Variants in SPAG16 observed in about 807,000 individuals in gnomAD.
SPAG16 encodes sperm-associated antigen 16 protein.
SPAG16 carries 86 observed loss-of-function variants against 80.4 expected under a neutral mutation model. The observed-to-expected ratio is 1.07, with a 90% CI of 0.90 to 1.28. The LOEUF is 1.28. Ranked by LOEUF, SPAG16 falls within the 50% of genes most tolerant of loss-of-function variation. SPAG16 has a pLI of 0.00. For missense variants in SPAG16, 870 were observed against 765.3 expected (o/e 1.14, Z -1.61); for synonymous variants, 294 against 265.9 (o/e 1.11, Z -1.03).
chr2:214,036,410 A>G lies in SPAG16; in HGVS notation c.1527+22333A>G, dbSNP rs577540753. Among the ~76,000 whole-genome samples, 76 of 152,318 alleles carry G rather than the reference A, an allele frequency of 5.0e-4. 1 individual carries two copies. The highest frequency in any genetic ancestry group is 8.8e-4 in the Non-Finnish European group (60 of 68,026). On this transcript the variant is annotated intron_variant, in intron 13 of 15. Transcript: ENST00000331683. ...CAGAATGGTATTAGAGATCAAGATT[A>G]GGGTTCTATCTGTAACCATCACCAC...
chr2:213,961,184 A>C (rs2044398014), intron 12 of SPAG16, among the ~76,000 whole-genome samples: 1 of 152,200 alleles, frequency 6.6e-6, no homozygotes, highest in Non-Finnish European at 1.5e-5. Flanking sequence ...GGGAAGAAAG[A>C]TTCCTGGTGC....
chr2:213,734,261 G>A (rs897377523), intron 10 of SPAG16, among the ~76,000 whole-genome samples: 10 of 152,160 alleles, frequency 6.6e-5, no homozygotes, highest in Admixed American at 5.2e-4. Flanking sequence ...AATGCTAGAT[G>A]GAAACTGCCA....
At chr2:213,821,390 A>C (rs531828264) in intron 10 of SPAG16, among the ~76,000 whole-genome samples, 1 of 152,158 alleles carries the variant, frequency 6.6e-6, no homozygotes, top group African/African-American at 2.4e-5. Flanking sequence ...ATAAACAGGG[A>C]TTAGGTTGTT....
intron 9 of SPAG16, among the ~76,000 whole-genome samples, chr2:213,485,337 C>T (rs541735394): frequency 1.2e-4 from 18 of 152,190 alleles, no homozygotes; most frequent in Non-Finnish European, 2.4e-4. Flanking sequence ...TGCATACTAG[C>T]GAAACTTACT....
intron 10 of SPAG16, among the ~76,000 whole-genome samples, chr2:213,851,574 C>T (rs1011366299): frequency 6.6e-6 from 1 of 152,120 alleles, no homozygotes; most frequent in Non-Finnish European, 1.5e-5. Context: ...GAATTTTAAT[C>T]GCAGTACCAT....
chr2:214,112,348 T>C (rs13035658), intron 14 of SPAG16, among the ~76,000 whole-genome samples: 13,512 of 152,118 alleles, frequency 0.089, 778 homozygotes, highest in East Asian at 0.28. Flanking sequence ...AGAGCTGAGT[T>C]CAAGTCCTGG....
At chr2:213,350,277 C>A (rs1490715582) in intron 6 of SPAG16, among the ~76,000 whole-genome samples, 1 of 152,090 alleles carries the variant, frequency 6.6e-6, no homozygotes, top group Non-Finnish European at 1.5e-5. Flanking sequence ...TTGGACACAG[C>A]AAAAGGTGCT....
At chr2:214,137,187 C>T (rs756470652) in intron 14 of SPAG16, among the ~76,000 whole-genome samples, 11 of 152,030 alleles carry the variant, frequency 7.2e-5, no homozygotes, top group Admixed American at 4.6e-4. Flanking sequence ...TGGCTTACTA[C>T]CTGAAGATAA....
At chr2:213,403,269 G>C (rs1161711613) in intron 9 of SPAG16, among the ~76,000 whole-genome samples, 23 of 152,114 alleles carry the variant, frequency 1.5e-4, no homozygotes, top group Admixed American at 2.6e-4. Context: ...CTTTTTGATG[G>C]GGTTGTTTGT....
At chr2:213,354,494 C>T (rs1482689354) in intron 7 of SPAG16, among the ~76,000 whole-genome samples, 2 of 152,178 alleles carry the variant, frequency 1.3e-5, no homozygotes, top group Non-Finnish European at 2.9e-5. Context: ...CTAATTTACA[C>T]TCCCACCAAC....
chr2:214,017,274 A>C (rs2047638364), intron 13 of SPAG16, among the ~76,000 whole-genome samples: 1 of 152,190 alleles, frequency 6.6e-6, no homozygotes, highest in Non-Finnish European at 1.5e-5. Flanking sequence ...ACATTGATGC[A>C]GTGGAGTTTG....
At chr2:213,516,073 C>T (rs1162199531) in intron 10 of SPAG16, among the ~76,000 whole-genome samples, 1 of 152,016 alleles carries the variant, frequency 6.6e-6, no homozygotes, top group Non-Finnish European at 1.5e-5. Flanking sequence ...GCCTATAAAG[C>T]CGGATGATAT....
intron 12 of SPAG16, among the ~76,000 whole-genome samples, chr2:214,005,181 A>C (rs2046973495): frequency 1.3e-5 from 2 of 151,888 alleles, no homozygotes; most frequent in African/African-American, 4.8e-5. Flanking sequence ...TCTCACTGTT[A>C]GTTTGTGCTA....
intron 5 of SPAG16, among the ~76,000 whole-genome samples, chr2:213,339,120 C>T (rs540810101): frequency 6.6e-6 from 1 of 152,208 alleles, no homozygotes; most frequent in South Asian, 2.1e-4. Context: ...ATCAAGAAGT[C>T]GTTAATCAAC....
intron 9 of SPAG16, among the ~76,000 whole-genome samples, chr2:213,391,608 C>T (rs2067756800): frequency 6.6e-6 from 1 of 152,128 alleles, no homozygotes; most frequent in Non-Finnish European, 1.5e-5. Flanking sequence ...TGTAAGATAT[C>T]TAACACTGTG....
chr2:213,541,135 G>A (rs1354576786), intron 10 of SPAG16, among the ~76,000 whole-genome samples: 3 of 152,236 alleles, frequency 2.0e-5, no homozygotes, highest in Non-Finnish European at 4.4e-5. Flanking sequence ...TTTCATTTAC[G>A]GTGAAAACGA....
intron 11 of SPAG16, among the ~76,000 whole-genome samples, chr2:213,898,997 G>A (rs754364737): frequency 2.2e-4 from 33 of 152,090 alleles, no homozygotes; most frequent in Non-Finnish European, 3.8e-4. Flanking sequence ...TGAAAACTAA[G>A]TAAAGTGAAT....
chr2:213,422,006 C>T (rs2069622028), intron 9 of SPAG16: 1 of 578,666 alleles, frequency 1.7e-6, no homozygotes. Flanking sequence ...CCTTGCCCAT[C>T]CACCTACCAG....
chr2:213,609,146 C>T (rs2061361791), intron 10 of SPAG16, among the ~76,000 whole-genome samples: 1 of 152,128 alleles, frequency 6.6e-6, no homozygotes, highest in African/African-American at 2.4e-5. Flanking sequence ...AAATGAAGAG[C>T]CTGAACATTA....
Sources: gnomAD v4.1 joint callset for allele counts (sites outside exome capture counted in the v4.1 genomes callset) on GRCh38, gnomAD v4.1.1 for gene constraint, MANE v1.5 for transcripts, NCBI Gene and HGNC (gene_info 2026-07-23, HGNC 2026-07-21) for gene names.